The following TNC variants were observed in gnomAD, a reference collection of about 807,000 sequenced individuals.
The protein encoded by TNC is tenascin C.
Under a neutral mutation model 202.4 loss-of-function variants are expected in TNC, and 109 were observed. The ratio of observed to expected loss-of-function variants is 0.54; its 90% CI spans 0.46 to 0.63. The LOEUF is 0.63. Among genes scored for constraint, TNC ranks in the 30% least tolerant of loss-of-function variants. The probability of loss-of-function intolerance (pLI) is 0.00; values close to 1 mark genes in which losing one functional copy is unlikely to be tolerated. For synonymous variants in TNC, 1,007 were observed against 1,089.7 expected (o/e 0.92, Z 1.50); for missense variants, 2,756 against 2,833.3 (o/e 0.97, Z 0.62).
In TNC at chr9:115,090,585, C is replaced by G. The variant is rs141336913; in HGVS notation, c.434G>C (p.Gly145Ala). ...ACCTGTGGCAGGCTGGAGACAGCAG[C>G]CTGCTCCTGCAGTACATTGCTCCCT... ...SLREQCTAGA[G>A]CCLQPATGRL... The change falls in exon 2 of 28, where the codon GGC (glycine) becomes GCC (alanine). Residue 145 changes from glycine (G) to alanine (A), a missense_variant. By Grantham distance (60) the Gly-to-Ala change is moderately conservative. Transcript: ENST00000350763. 3.2e-6 allele frequency: 5 copies of G among 1,581,202 alleles called. No homozygotes were observed. The highest frequency in any genetic ancestry group is 3.4e-6 in the Non-Finnish European group (4 of 1,162,412).
In TNC at chr9:115,073,658, C is replaced by T; in HGVS notation, c.3159G>A (p.Leu1053=). 1.2e-6 allele frequency: 2 copies of T among 1,614,154 alleles called. No individual in the cohort carries two copies. Among genetic ancestry groups the T allele is most frequent in the Non-Finnish European group, 1.7e-6 (2 of 1,180,010 alleles). The change falls in exon 10 of 28, where the codon CTG becomes CTA. Residue 1053 remains leucine (L), a synonymous_variant. Coordinates refer to ENST00000350763, the MANE Select transcript of TNC (RefSeq NM_002160.4). ...LEPGQEYNVL[L]TAEKGRHKSK... ...TCTTGTGTCTGCCTTTCTCGGCTGTCAGGAGGACATTGTACTCCTGTCCTG... is the reference window on the plus strand; with the variant it reads ...TCTTGTGTCTGCCTTTCTCGGCTGTTAGGAGGACATTGTACTCCTGTCCTG...
intron 1 of TNC, among the ~76,000 whole-genome samples, chr9:115,116,322 T>C (rs1390262749): frequency 6.6e-6 from 1 of 152,200 alleles, no homozygotes; most frequent in Non-Finnish European, 1.5e-5. Flanking sequence ...CAGAGAATAC[T>C]CATATTGTGC....
intron 15 of TNC, 24 bp downstream of exon 15, chr9:115,057,129 A>G: frequency 6.3e-7 from 1 of 1,592,208 alleles, no homozygotes. Context: ...AGAGTGCGTT[A>G]GAAATGGGAG....
In TNC at chr9:115,087,170, C is replaced by T; in HGVS notation, c.561G>A (p.Glu187=). ...GGTGACAGTTGCCTGGACATTCGGG[C>T]TCAGAGCAGTTGGGGCCTTTCCAGC... ...EPGWKGPNCS[E]PECPGNCHLR... Residue 187 remains glutamate, a synonymous_variant, in exon 3 of 28, where the codon GAG becomes GAA. Coordinates refer to ENST00000350763, the MANE Select transcript of TNC (RefSeq NM_002160.4). 1 of 1,614,230 alleles carries T rather than the reference C, an allele frequency of 6.2e-7. No individual in the cohort carries two copies. The highest frequency in any genetic ancestry group is 1.6e-4 in the Middle Eastern group (1 of 6,062).
chr9:115,027,006 G>A lies in TNC; in HGVS notation c.6170-311C>T, dbSNP rs193153409. ...TGCCTGTAGTCCCAGCTACTTGGGA[G>A]GCTGAGGCAGGAGAATCGCTTGAAC... On this transcript the variant is annotated intron_variant, in intron 25 of 27. Coordinates refer to ENST00000350763, the MANE Select transcript of TNC (RefSeq NM_002160.4). Among the ~76,000 whole-genome samples the A allele has an allele frequency of 1.4e-3, 214 of 152,092 alleles. 1 individual carries two copies. In the East Asian group the frequency reaches 0.035, roughly 25 times the overall value.
intron 6 of TNC, 107 bp from the exon 7 acceptor site, chr9:115,078,319 C>A (rs760941248): frequency 1.5e-6 from 2 of 1,303,128 alleles, no homozygotes; most frequent in South Asian, 1.8e-5. Flanking sequence ...AATACTTATA[C>A]TAACTGCTTG....
chr9:115,071,975 G>A (rs1163103950), intron 10 of TNC, among the ~76,000 whole-genome samples: 1 of 152,210 alleles, frequency 6.6e-6, no homozygotes, highest in African/African-American at 2.4e-5. Flanking sequence ...GTGGGAAGCA[G>A]TCAATGCAGA....
At position 115,041,253 on chromosome 9, in the gene TNC, T is replaced by C. The variant is rs558465539; in HGVS notation, c.5249-169A>G. On this transcript the variant is annotated intron_variant, in intron 18 of 27. Coordinates refer to ENST00000350763, the MANE Select transcript of TNC (RefSeq NM_002160.4). Reference sequence around the variant, plus strand: ...CCCTCTGGCATAAGGGAAGAAGGCTTACTTTTTGTATGCTTTTTCTATTGG... The same window carrying C: ...CCCTCTGGCATAAGGGAAGAAGGCTCACTTTTTGTATGCTTTTTCTATTGG... Among the ~76,000 whole-genome samples the C allele has an allele frequency of 3.4e-5, 5 of 149,190 alleles. No homozygotes were observed. The South Asian group carries it at 1.1e-3, about 31-fold the overall frequency.
intron 1 of TNC, among the ~76,000 whole-genome samples, chr9:115,095,468 ATG>A (rs1835583795): frequency 2.3e-5 from 1 of 44,318 alleles, no homozygotes; most frequent in Admixed American, 3.5e-4. Context: ...GTATATATAT[ATG>A]TATATATATG....
Position 115,078,177 on chromosome 9 carries a change from C to T in TNC, c.2440G>A (p.Val814Ile), listed in dbSNP as rs1554713413. Residue 814 changes from valine to isoleucine, a missense_variant, in exon 7 of 28, where the codon GTC (valine) becomes ATC (isoleucine). Around this residue, in one of 2 missense-constraint regions of TNC, gnomAD observed 2,559 missense variants for 2,546.0 expected, o/e 1.01. Transcript: ENST00000350763. ...GTGATCAAGGCAGTGGTGTCTGTGA[C>T]ATCTTTCACCTCGATCTGGCTGGGG... The part of the protein sequence containing the change: ...DAPSQIEVKD[V>I]TDTTALITWF... 6.2e-7 allele frequency: 1 copy of T among 1,610,688 alleles called. No individual in the cohort carries two copies. Among genetic ancestry groups the T allele is most frequent in the Non-Finnish European group, 8.5e-7 (1 of 1,177,102 alleles).
intron 7 of TNC, among the ~76,000 whole-genome samples, chr9:115,077,548 T>G (rs1045130364): frequency 1.3e-5 from 2 of 152,244 alleles, no homozygotes; most frequent in Non-Finnish European, 2.9e-5. Flanking sequence ...AAATATTTAC[T>G]GAATGAAAAA....
intron 1 of TNC, among the ~76,000 whole-genome samples, chr9:115,107,833 A>T (rs1301815897): frequency 6.6e-6 from 1 of 152,186 alleles, no homozygotes; most frequent in Non-Finnish European, 1.5e-5. Flanking sequence ...CATTTCCTAG[A>T]CCTTCAGCAG....
At chr9:115,070,997 C>T (rs150088993) in intron 10 of TNC, among the ~76,000 whole-genome samples, 57 of 152,332 alleles carry the variant, frequency 3.7e-4, no homozygotes, top group Admixed American at 9.1e-4. Context: ...CCAGTGTCTC[C>T]TGAGCACTGG....
chr9:115,034,908 C>G (rs145111902), intron 22 of TNC, among the ~76,000 whole-genome samples: 1 of 152,272 alleles, frequency 6.6e-6, no homozygotes, highest in Non-Finnish European at 1.5e-5. Flanking sequence ...AACCTTTTGG[C>G]CTTTGTTCAA....
chr9:115,054,827 G>A (rs1344690469), intron 15 of TNC, among the ~76,000 whole-genome samples: 1 of 152,196 alleles, frequency 6.6e-6, no homozygotes, highest in Non-Finnish European at 1.5e-5. Context: ...TGGACAAGAT[G>A]ATGGCTTGAA....
intron 15 of TNC, among the ~76,000 whole-genome samples, chr9:115,049,223 A>T (rs1831455073): frequency 6.6e-6 from 1 of 152,172 alleles, no homozygotes; most frequent in Admixed American, 6.5e-5. Context: ...TCTCTCCTTC[A>T]TTCGTTCACC....
intron 15 of TNC, among the ~76,000 whole-genome samples, chr9:115,050,648 T>C (rs1831574016): frequency 6.6e-6 from 1 of 152,242 alleles, no homozygotes; most frequent in Admixed American, 6.5e-5. Context: ...TCTATTGTTC[T>C]ATCTAGCCTT....
At chr9:115,067,890 G>A (rs1210773108) in intron 10 of TNC, among the ~76,000 whole-genome samples, 2 of 151,786 alleles carry the variant, frequency 1.3e-5, no homozygotes, top group Non-Finnish European at 2.9e-5. Flanking sequence ...AACTCAGAGA[G>A]GCAGTACTGT....
At chr9:115,037,088 G>A (rs1368695274) in intron 20 of TNC, among the ~76,000 whole-genome samples, 1 of 152,116 alleles carries the variant, frequency 6.6e-6, no homozygotes, top group Non-Finnish European at 1.5e-5. Context: ...GACTATTTAA[G>A]AATTAAAGAG....
Sources: gnomAD v4.1 joint callset for allele counts (sites outside exome capture counted in the v4.1 genomes callset) on GRCh38, gnomAD v4.1.1 for gene constraint, gnomAD v4.1.1 regional missense constraint, MANE v1.5 for transcripts, NCBI Gene and HGNC (gene_info 2026-07-23, HGNC 2026-07-21) for gene names.